Variants in C12orf43 observed in about 807,000 individuals in gnomAD.
The protein encoded by C12orf43 is chromosome 12 open reading frame 43.
Under a neutral mutation model 20.6 loss-of-function variants are expected in C12orf43, and 15 were observed. The observed-to-expected ratio is 0.73, with a 90% confidence interval of 0.49 to 1.12. The LOEUF is 1.12. C12orf43 is among the 50% of genes most tolerant of loss of function. C12orf43 has a pLI of 0.00. For missense variants in C12orf43, 334 were observed against 344.4 expected (o/e 0.97, Z 0.24); for synonymous variants, 144 against 130.8 (o/e 1.10, Z -0.69).
At chr12:121,012,858 A>AAAAAAAAAAAAAAAAAG (rs1868519910) in intron 1 of C12orf43, among the ~76,000 whole-genome samples, 1 of 80,358 alleles carries the variant, frequency 1.2e-5, no homozygotes, top group Non-Finnish European at 3.1e-5. Context: ...CTAAAAAAAA[A>AAAAAAAAAAAAAAAAAG]AAAAAAAAAA....
Position 121,003,809 on chromosome 12 carries a change from T to G in C12orf43, c.*344A>C. The G allele has an allele frequency of 2.8e-6, 1 of 359,200 alleles. No homozygotes were observed. Among genetic ancestry groups the G allele is most frequent in the Admixed American group, 4.2e-5 (1 of 23,594 alleles). 22.3% of individuals were successfully genotyped at this position (359,200 alleles called of 1,614,324 possible). On this transcript the variant is annotated 3_prime_UTR_variant, in exon 6 of 6. Transcript: ENST00000288757. ...CCCTTCCCCTGCCCACCTCAGACAG[T>G]TCTAGGGAGATGGAGGTTTCACCAC...
intron 1 of C12orf43, chr12:121,012,444 A>G (rs1390515239): frequency 1.4e-6 from 1 of 702,636 alleles, no homozygotes; most frequent in Admixed American, 2.0e-5. Context: ...GTTTTGACAG[A>G]ACATCTTTGG....
chr12:121,012,090 T>C (rs1868422247), intron 1 of C12orf43, among the ~76,000 whole-genome samples: 1 of 152,174 alleles, frequency 6.6e-6, no homozygotes, highest in East Asian at 1.9e-4. Flanking sequence ...GGGCTGGGGA[T>C]TGTTAACATA....
chr12:121,004,186 T>C lies in C12orf43; in HGVS notation c.756A>G (p.Pro252=), dbSNP rs1433068138. ...CAGGTATAGCTGTAGCACTCTTTGC[T>C]GGTGGGAATGGAGAGGTCTCGCTGG... ...KKASETSPFP[P]AKSATAIPAN The change falls in exon 6 of 6, where the codon CCA becomes CCG. Residue 252 remains proline (P), a synonymous_variant. Transcript: ENST00000288757. The surrounding 1 kb of genome is among the most constrained non-coding windows in gnomAD (Gnocchi z 5.6). 5 of 1,614,110 alleles carry C rather than the reference T, an allele frequency of 3.1e-6. No individual in the cohort carries two copies. Among genetic ancestry groups the C allele is most frequent in the Non-Finnish European group, 4.2e-6 (5 of 1,180,048 alleles).
intron 1 of C12orf43, chr12:121,012,288 C>T: frequency 1.5e-6 from 1 of 670,058 alleles, no homozygotes; most frequent in Non-Finnish European, 2.7e-6. Flanking sequence ...GTGACCAGAG[C>T]CTGCCCAGTA....
chr12:121,012,518 T>C, intron 1 of C12orf43: 1 of 701,994 alleles, frequency 1.4e-6, no homozygotes, highest in Non-Finnish European at 2.6e-6. Context: ...CAGTAATTGA[T>C]GTGGTGAGAA....
rs760416022 is a variant in C12orf43, at chr12:121,012,439, G to A, written c.146-1293C>T. 6 of 702,630 alleles carry A rather than the reference G, an allele frequency of 8.5e-6. No homozygotes were observed. The South Asian group carries it at 8.9e-5, about 10-fold the overall frequency. 43.5% of individuals were successfully genotyped at this position (702,630 alleles called of 1,614,324 possible). ...AGGGACATAAACTGACCTGGGTTTTGACAGAACATCTTTGGCTGCTGTGCA... is the reference window on the plus strand; with the variant it reads ...AGGGACATAAACTGACCTGGGTTTTAACAGAACATCTTTGGCTGCTGTGCA... On this transcript the variant is annotated intron_variant, in intron 1 of 5. Coordinates refer to ENST00000288757, the MANE Select transcript of C12orf43 (RefSeq NM_022895.3).
At position 121,003,861 on chromosome 12, in the gene C12orf43, A is replaced by T. The variant is rs1327059474; in HGVS notation, c.*292T>A. On this transcript the variant is annotated 3_prime_UTR_variant, in exon 6 of 6. Transcript: ENST00000288757. ...TGGCCACTAGTCTCAAATAACTGGA[A>T]GGTTCCTTTTTTCCTGAGGTCATGA... The T allele has an allele frequency of 4.1e-6, 2 of 483,660 alleles. No individual in the cohort carries two copies. The highest frequency in any genetic ancestry group is 3.9e-5 in the African/African-American group (2 of 51,466). 30.0% of individuals were successfully genotyped at this position (483,660 alleles called of 1,614,324 possible).
At chr12:121,012,532 G>A in intron 1 of C12orf43, 1 of 701,390 alleles carries the variant, frequency 1.4e-6, no homozygotes, top group Non-Finnish European at 2.6e-6. Flanking sequence ...GTGAGAAGTG[G>A]GTGAACTCCA....
chr12:121,001,401 G>T lies in C12orf43; in HGVS notation c.*2752C>A. 1.6e-6 allele frequency: 1 copy of T among 606,990 alleles called. No individual in the cohort carries two copies. Among genetic ancestry groups the T allele is most frequent in the Non-Finnish European group, 2.9e-6 (1 of 345,224 alleles). 37.6% of individuals were successfully genotyped at this position (606,990 alleles called of 1,614,324 possible). A position where few individuals can be genotyped will look rare whatever the true frequency, so the allele number is the denominator to read the frequency against. On this transcript the variant is annotated 3_prime_UTR_variant, in exon 6 of 6. Coordinates refer to ENST00000288757, the MANE Select transcript of C12orf43 (RefSeq NM_022895.3). ...GAGGCTGCTCGGGGTGCACAGGAGGGGGTCGTGGAGAGCTAGGAGCAAAGC... is the reference window on the plus strand; with the variant it reads ...GAGGCTGCTCGGGGTGCACAGGAGGTGGTCGTGGAGAGCTAGGAGCAAAGC...
At chr12:121,010,064 G>A (rs1878327735) in intron 3 of C12orf43, among the ~76,000 whole-genome samples, 1 of 152,254 alleles carries the variant, frequency 6.6e-6, no homozygotes, top group African/African-American at 2.4e-5. Context: ...CACTTTGGGA[G>A]GCCAAGGCAG....
rs906622569 is a variant in C12orf43, at chr12:121,004,663, G to A, written c.453-174C>T. Among the ~76,000 whole-genome samples, 9 of 152,184 alleles carry A rather than the reference G, an allele frequency of 5.9e-5. No homozygotes were observed. In the South Asian group the frequency reaches 6.2e-4, roughly 11 times the overall value. ...TGGCTTCCAATACTGGCTTCTGGGC[G>A]TAGCAGCCTTGTGACCTCCTTAAGT... On this transcript the variant is annotated intron_variant, in intron 5 of 5. Transcript: ENST00000288757. The surrounding 1 kb of genome is among the most constrained non-coding windows in gnomAD (Gnocchi z 5.6).
intron 1 of C12orf43, chr12:121,012,441 C>G (rs1868458863): frequency 2.8e-6 from 2 of 702,596 alleles, no homozygotes; most frequent in Non-Finnish European, 2.6e-6. Context: ...TGGGTTTTGA[C>G]AGAACATCTT....
chr12:121,015,806 A>C (rs945707753), intron 1 of C12orf43, among the ~76,000 whole-genome samples: 1 of 152,270 alleles, frequency 6.6e-6, no homozygotes, highest in African/African-American at 2.4e-5. Flanking sequence ...AAATTCAGTC[A>C]GAGATGAATA....
At chr12:121,013,327 A>G (rs1868575834) in intron 1 of C12orf43, among the ~76,000 whole-genome samples, 1 of 152,214 alleles carries the variant, frequency 6.6e-6, no homozygotes, top group Non-Finnish European at 1.5e-5. Context: ...GGGAACAGAA[A>G]CAGTATTACA....
intron 1 of C12orf43, among the ~76,000 whole-genome samples, chr12:121,011,856 C>T (rs549978701): frequency 3.5e-4 from 53 of 152,258 alleles, no homozygotes; most frequent in African/African-American, 1.3e-3. Context: ...TGGGGATGCC[C>T]GGCCTTTTGG....
At chr12:121,015,487 A>G (rs1351905619) in intron 1 of C12orf43, among the ~76,000 whole-genome samples, 1 of 152,240 alleles carries the variant, frequency 6.6e-6, no homozygotes, top group Non-Finnish European at 1.5e-5. Flanking sequence ...AACATACAGG[A>G]TTACAAAGAA....
intron 1 of C12orf43, among the ~76,000 whole-genome samples, chr12:121,013,780 C>T (rs1443224131): frequency 6.6e-6 from 1 of 152,174 alleles, no homozygotes; most frequent in African/African-American, 2.4e-5. Context: ...GGCAGAGTGG[C>T]ACAGCAGCAA....
Position 121,001,327 on chromosome 12 carries a change from CTGCTCTGATGCATCAGAAAGGGAG to C in C12orf43, c.*2802_*2825del. On this transcript the variant is annotated 3_prime_UTR_variant, in exon 6 of 6. Coordinates refer to ENST00000288757, the MANE Select transcript of C12orf43 (RefSeq NM_022895.3). ...GGACAGCTGTGCCTCGCTCCCCACT[CTGCTCTGATGCATCAGAAAGGGAG>C]GGCTCTGAGGCGCCCCAACCCGTGG... The C allele has an allele frequency of 9.1e-7, 1 of 1,098,234 alleles. No homozygotes were observed. The allele number at this position is 1,098,234 out of a possible 1,614,324, so 68.0% of individuals were successfully genotyped here.
Sources: gnomAD v4.1 joint callset for allele counts (sites outside exome capture counted in the v4.1 genomes callset) on GRCh38, gnomAD v4.1.1 for gene constraint, Gnocchi (gnomAD v3.1) non-coding constraint, MANE v1.5 for transcripts, NCBI Gene and HGNC (gene_info 2026-07-23, HGNC 2026-07-21) for gene names.